Variants in MSH4 observed in about 807,000 individuals in gnomAD.
MSH4 encodes the protein mutS protein homolog 4.
Under a neutral mutation model 113.7 loss-of-function variants are expected in MSH4, and 106 were observed. That is an observed-to-expected ratio of 0.93 (90% confidence interval 0.80 to 1.10). The LOEUF (loss-of-function observed/expected upper bound fraction) is 1.10. MSH4 is among the 50% of genes least tolerant of loss of function. MSH4 has a pLI of 0.00. For missense variants in MSH4, 1,061 were observed against 1,093.7 expected (o/e 0.97, Z 0.42); for synonymous variants, 368 against 380.2 (o/e 0.97, Z 0.37).
chr1:75,889,784 T>C (rs568870401), intron 16 of MSH4, among the ~76,000 whole-genome samples: 168 of 152,224 alleles, frequency 1.1e-3, no homozygotes, highest in South Asian at 4.3e-3. Flanking sequence ...TTTCACTCCC[T>C]GTACCAAAGT....
chr1:75,895,345 C>T (rs1254559548), intron 17 of MSH4, among the ~76,000 whole-genome samples: 1 of 152,152 alleles, frequency 6.6e-6, no homozygotes, highest in Non-Finnish European at 1.5e-5. Flanking sequence ...CTGTGGAAAA[C>T]TACAACCCAA....
intron 11 of MSH4, 121 bp downstream of exon 11, chr1:75,878,439 A>C (rs569477106): frequency 2.6e-6 from 2 of 760,734 alleles, no homozygotes; most frequent in Non-Finnish European, 4.1e-6. Flanking sequence ...CGTTACCAAA[A>C]CATAAGGTTA....
At chr1:75,909,293 A>G (rs933181514) in intron 19 of MSH4, among the ~76,000 whole-genome samples, 1 of 152,000 alleles carries the variant, frequency 6.6e-6, no homozygotes. Flanking sequence ...CTTTCTTTTT[A>G]TAGTCTGCTC....
At chr1:75,805,254 TAATG>T (rs1570939175) in intron 2 of MSH4, among the ~76,000 whole-genome samples, 1 of 152,156 alleles carries the variant, frequency 6.6e-6, no homozygotes, top group African/African-American at 2.4e-5. Flanking sequence ...AATAACATAA[TAATG>T]AGCATCCTAA....
chr1:75,903,019 T>C (rs1250305653), intron 19 of MSH4, among the ~76,000 whole-genome samples: 1 of 151,386 alleles, frequency 6.6e-6, no homozygotes, highest in Non-Finnish European at 1.5e-5. Context: ...GTTAATTTTT[T>C]TTTTTGCTAT....
intron 8 of MSH4, among the ~76,000 whole-genome samples, chr1:75,854,436 A>G (rs1256364491): frequency 2.0e-5 from 3 of 152,030 alleles, no homozygotes; most frequent in African/African-American, 7.2e-5. Context: ...TCTTCAGCCT[A>G]CTTGGGATCC....
intron 8 of MSH4, among the ~76,000 whole-genome samples, chr1:75,860,221 G>A (rs1481373486): frequency 6.6e-6 from 1 of 151,968 alleles, no homozygotes; most frequent in East Asian, 1.9e-4. Context: ...TATCCAACTT[G>A]CCAGTATGTG....
intron 17 of MSH4, among the ~76,000 whole-genome samples, chr1:75,896,013 G>A (rs5745528): frequency 0.052 from 7,981 of 152,152 alleles, 359 homozygotes; most frequent in African/African-American, 0.12. Flanking sequence ...ATTTCTGGAT[G>A]AGATTAGTAG....
intron 7 of MSH4, among the ~76,000 whole-genome samples, chr1:75,841,843 C>A (rs1277914967): frequency 1.3e-5 from 2 of 152,126 alleles, no homozygotes; most frequent in Non-Finnish European, 2.9e-5. Flanking sequence ...AGTATTGTGC[C>A]ATATTGCACA....
At chr1:75,838,786 C>G (rs1458777815) in intron 7 of MSH4, among the ~76,000 whole-genome samples, 1 of 152,158 alleles carries the variant, frequency 6.6e-6, no homozygotes, top group Non-Finnish European at 1.5e-5. Context: ...TCCCTGCAAC[C>G]CCTTCTCCCA....
intron 8 of MSH4, among the ~76,000 whole-genome samples, chr1:75,849,000 T>G (rs1217548384): frequency 6.6e-6 from 1 of 152,126 alleles, no homozygotes; most frequent in Non-Finnish European, 1.5e-5. Context: ...GGTGCGATTT[T>G]GGCTCACTGC....
chr1:75,802,843 C>T (rs1334926504), intron 1 of MSH4, among the ~76,000 whole-genome samples: 3 of 152,108 alleles, frequency 2.0e-5, no homozygotes, highest in Non-Finnish European at 4.4e-5. Context: ...AAAGGAGGCA[C>T]ATTTAGTGAG....
intron 1 of MSH4, among the ~76,000 whole-genome samples, chr1:75,798,305 T>C (rs570509238): frequency 3.3e-5 from 5 of 152,170 alleles, no homozygotes; most frequent in Non-Finnish European, 5.9e-5. Flanking sequence ...TCTTTTAATT[T>C]GGCTTCCTTG....
At chr1:75,817,215 TG>T (rs1570945878) in intron 6 of MSH4, among the ~76,000 whole-genome samples, 1 of 152,194 alleles carries the variant, frequency 6.6e-6, no homozygotes, top group East Asian at 1.9e-4. Flanking sequence ...AGTTCAGAAC[TG>T]GGTAAAGGAA....
chr1:75,803,599 A>G (rs1649988732), intron 1 of MSH4, 132 bp from the exon 2 acceptor site: 1 of 621,080 alleles, frequency 1.6e-6, no homozygotes. Flanking sequence ...CCTGGGCGAC[A>G]AGAGCAAGAC....
intron 8 of MSH4, among the ~76,000 whole-genome samples, chr1:75,860,116 G>A (rs967360339): frequency 6.6e-6 from 1 of 151,664 alleles, no homozygotes; most frequent in Non-Finnish European, 1.5e-5. Flanking sequence ...CATTTGCTTA[G>A]TAGATCTTCC....
At chr1:75,811,622 T>G (rs889661671) in intron 4 of MSH4, among the ~76,000 whole-genome samples, 3 of 152,228 alleles carry the variant, frequency 2.0e-5, no homozygotes, top group African/African-American at 7.2e-5. Flanking sequence ...TACTCTAGTG[T>G]CTATCTGTAG....
chr1:75,837,775 C>T (rs1650865230), intron 7 of MSH4, among the ~76,000 whole-genome samples: 1 of 152,158 alleles, frequency 6.6e-6, no homozygotes, highest in East Asian at 1.9e-4. Context: ...ACATGAAAGT[C>T]ATTCTTAACT....
At chr1:75,907,660 ATCTC>A (rs138292747) in intron 19 of MSH4, among the ~76,000 whole-genome samples, 13 of 92,806 alleles carry the variant, frequency 1.4e-4, no homozygotes, top group South Asian at 1.0e-3. Context: ...TCCACGGTGT[ATCTC>A]TCTCTCTCTC....
Sources: gnomAD v4.1 joint callset for allele counts (sites outside exome capture counted in the v4.1 genomes callset) on GRCh38, gnomAD v4.1.1 for gene constraint, MANE v1.5 for transcripts, NCBI Gene and HGNC (gene_info 2026-07-23, HGNC 2026-07-21) for gene names.